DNAAF5: variants seen among roughly 807,000 people sequenced by gnomAD.
The protein encoded by DNAAF5 is HEAT repeat containing 2.
In DNAAF5, 64 loss-of-function variants were observed where a neutral mutation model predicts 75.8. The ratio of observed to expected loss-of-function variants is 0.84; its 90% CI spans 0.69 to 1.04. The LOEUF is 1.04. Among genes scored for constraint, DNAAF5 ranks in the 50% least tolerant of loss-of-function variants. DNAAF5 has a pLI of 0.00. For synonymous variants in DNAAF5, 657 were observed against 557.2 expected (o/e 1.18, Z -2.52); for missense variants, 1,269 against 1,178.5 (o/e 1.08, Z -1.12).
chr7:732,296 C>T (rs1410641913), intron 2 of DNAAF5, among the ~76,000 whole-genome samples: 1 of 152,258 alleles, frequency 6.6e-6, no homozygotes, highest in African/African-American at 2.4e-5. Flanking sequence ...CTGACCACAC[C>T]CAGAACCCCG....
rs764927143 is a variant in DNAAF5 at position 786,373 on chromosome 7, A to C, written c.*720A>C. 6.6e-6 allele frequency: 1 copy of C among 152,250 alleles called. No individual in the cohort carries two copies. Among genetic ancestry groups the C allele is most frequent in the South Asian group, 2.1e-4 (1 of 4,834 alleles). 9.4% of individuals were successfully genotyped at this position (152,250 alleles called of 1,614,324 possible). A position where few individuals can be genotyped will look rare whatever the true frequency, so the allele number is the denominator to read the frequency against. On this transcript the variant is annotated 3_prime_UTR_variant, in exon 13 of 13. Coordinates refer to ENST00000297440, the MANE Select transcript of DNAAF5 (RefSeq NM_017802.4). ...CATTGTAAGTGGGTAGTGTTACCGG[A>C]AGCCATTGTGTTCACACGGGGGAAA...
rs551846032 is a variant in DNAAF5 at position 746,278 on chromosome 7, C to T, written c.1024+4813C>T. Reference sequence around the variant, plus strand: ...CGCTCTCCTTACTGTCTTGCCCCCCCCTGCCCGCTGGGCCCAGGCTCTGTG... The same window carrying T: ...CGCTCTCCTTACTGTCTTGCCCCCCTCTGCCCGCTGGGCCCAGGCTCTGTG... On this transcript the variant is annotated intron_variant, in intron 4 of 12. Coordinates refer to ENST00000297440, the MANE Select transcript of DNAAF5 (RefSeq NM_017802.4). 2.0e-4 allele frequency among the ~76,000 whole-genome samples: 29 copies of T among 142,110 alleles called. 2 individuals are homozygous for T. The highest frequency in any genetic ancestry group is 7.4e-4 in the African/African-American group (28 of 38,026). 93.2% of individuals were successfully genotyped at this position (142,110 alleles called of 152,430 possible). A position where few individuals can be genotyped will look rare whatever the true frequency, so the allele number is the denominator to read the frequency against.
In DNAAF5 at chr7:784,985, G is replaced by A. The variant is rs567216663; in HGVS notation, c.2432-532G>A. Among the ~76,000 whole-genome samples, 21 of 152,024 alleles carry A rather than the reference G, an allele frequency of 1.4e-4. No homozygotes were observed. The South Asian group carries it at 2.3e-3, about 17-fold the overall frequency. On this transcript the variant is annotated intron_variant, in intron 12 of 12. Coordinates refer to ENST00000297440, the MANE Select transcript of DNAAF5 (RefSeq NM_017802.4). ...ATGCAGCATCAGGTCACTTGTCCAC[G>A]TTGTGACTCAGGTCATTCGTATCCA...
intron 1 of DNAAF5, among the ~76,000 whole-genome samples, 168 bp from the exon 2 acceptor site, chr7:729,495 C>T (rs937853487): frequency 3.9e-5 from 6 of 152,236 alleles, no homozygotes; most frequent in African/African-American, 1.4e-4. Flanking sequence ...CGGTACAGAG[C>T]TCTCCTTGGC....
intron 2 of DNAAF5, among the ~76,000 whole-genome samples, chr7:740,513 C>T (rs370007646): frequency 2.6e-5 from 4 of 152,200 alleles, no homozygotes; most frequent in Admixed American, 2.0e-4. Context: ...AGCCTGCTCT[C>T]GCCAACAGGA....
intron 8 of DNAAF5, among the ~76,000 whole-genome samples, chr7:766,084 C>T (rs1024796741): frequency 1.3e-5 from 2 of 152,212 alleles, no homozygotes; most frequent in Non-Finnish European, 2.9e-5. Context: ...CCACCTCACC[C>T]TCCCAAAGTG....
At chr7:770,875 T>G in intron 9 of DNAAF5, 4 of 413,926 alleles carry the variant, frequency 9.7e-6, no homozygotes, top group Admixed American at 3.7e-5. Flanking sequence ...TGGGTGAGGG[T>G]TCCCCACACC....
At chr7:769,523 CG>C (rs1778482065) in intron 8 of DNAAF5, among the ~76,000 whole-genome samples, 1 of 151,916 alleles carries the variant, frequency 6.6e-6, no homozygotes, top group South Asian at 2.1e-4. Flanking sequence ...TGAGTGTGGG[CG>C]GGGTGAGGGC....
chr7:758,639 A>G (rs969746523), intron 6 of DNAAF5, among the ~76,000 whole-genome samples: 2 of 152,166 alleles, frequency 1.3e-5, no homozygotes, highest in African/African-American at 4.8e-5. Flanking sequence ...CACTGGGACT[A>G]CAGGTGTGCA....
chr7:765,191 C>T (rs773913635), intron 8 of DNAAF5, among the ~76,000 whole-genome samples: 7 of 152,180 alleles, frequency 4.6e-5, no homozygotes, highest in East Asian at 3.8e-4. Flanking sequence ...TTATGCCAGA[C>T]GCTGCTCTGC....
chr7:782,209 G>A (rs1288134051), intron 12 of DNAAF5, among the ~76,000 whole-genome samples: 2 of 150,820 alleles, frequency 1.3e-5, no homozygotes, highest in African/African-American at 4.9e-5. Flanking sequence ...GGATCTTCCT[G>A]GCGTGGCCGC....
At chr7:744,767 C>T (rs573468499) in intron 4 of DNAAF5, among the ~76,000 whole-genome samples, 84 of 152,202 alleles carry the variant, frequency 5.5e-4, no homozygotes, top group African/African-American at 1.9e-3. Context: ...GGATCTAGAA[C>T]TAATTTTGTA....
At chr7:782,715 A>G (rs1307760962) in intron 12 of DNAAF5, among the ~76,000 whole-genome samples, 2 of 71,750 alleles carry the variant, frequency 2.8e-5, no homozygotes, top group Non-Finnish European at 5.3e-5. Context: ...CAGAAACTCG[A>G]TCTTCCTGGC....
chr7:781,945 TC>T (rs1724751733), intron 12 of DNAAF5, among the ~76,000 whole-genome samples: 1 of 152,262 alleles, frequency 6.6e-6, no homozygotes, highest in African/African-American at 2.4e-5. Flanking sequence ...CCGCGGGCTG[TC>T]CCTGCGGCTG....
intron 2 of DNAAF5, among the ~76,000 whole-genome samples, chr7:734,181 A>G (rs775363408): frequency 7.2e-5 from 11 of 152,344 alleles, no homozygotes; most frequent in Middle Eastern, 3.4e-3. Context: ...CTTGCTCCAG[A>G]TTTAGAAGAA....
intron 8 of DNAAF5, among the ~76,000 whole-genome samples, chr7:768,002 G>A (rs1054932979): frequency 7.9e-5 from 12 of 151,082 alleles, no homozygotes; most frequent in African/African-American, 2.4e-4. Flanking sequence ...CACGTGGCCC[G>A]GGCGGAAGTG....
Position 766,852 on chromosome 7 carries a change from A to G in DNAAF5, c.1783+2878A>G, listed in dbSNP as rs931934502. On this transcript the variant is annotated intron_variant, in intron 8 of 12. Coordinates refer to ENST00000297440, the MANE Select transcript of DNAAF5 (RefSeq NM_017802.4). The stretch of plus-strand genomic sequence containing the variant: ...TAACTCCCAAACAAACAGGCAAAAT[A>G]TCCACATTTTATAAAAAAGAATTAA... Among the ~76,000 whole-genome samples the G allele has an allele frequency of 2.0e-5, 3 of 152,196 alleles. No homozygotes were observed. In the South Asian group the frequency reaches 6.2e-4, roughly 31 times the overall value.
In DNAAF5 at chr7:753,882, GTC is replaced by G. The variant is rs375366120; in HGVS notation, c.1025-698_1025-697del. 5.2e-3 allele frequency among the ~76,000 whole-genome samples: 729 copies of G among 140,522 alleles called. 17 individuals are homozygous for G. The highest frequency in any genetic ancestry group is 0.019 in the African/African-American group (677 of 36,164). 92.2% of individuals were successfully genotyped at this position (140,522 alleles called of 152,430 possible). On this transcript the variant is annotated intron_variant, in intron 4 of 12. Transcript: ENST00000297440. ...ATCATATGGCGACGGCTTCGCAGGC[GTC>G]TCTCTCTCATCATATGGCGATGGCT...
At position 775,973 on chromosome 7, in the gene DNAAF5, C is replaced by G. The variant is rs1778748327; in HGVS notation, c.2239+811C>G. On this transcript the variant is annotated intron_variant, in intron 11 of 12. Transcript: ENST00000297440. Reference sequence around the variant, plus strand: ...TTGGTATCCTAGAGGAGGAGGATTCCTGGAACCAAACCCCACAGATACCAA... The same window carrying G: ...TTGGTATCCTAGAGGAGGAGGATTCGTGGAACCAAACCCCACAGATACCAA... Among the ~76,000 whole-genome samples, 5 of 152,122 alleles carry G rather than the reference C, an allele frequency of 3.3e-5. No homozygotes were observed. In the South Asian group the frequency reaches 1.0e-3, roughly 32 times the overall value.
Sources: allele counts gnomAD v4.1 joint callset (sites outside exome capture counted in the v4.1 genomes callset), GRCh38; gene constraint gnomAD v4.1.1; transcripts MANE v1.5; gene names NCBI Gene and HGNC (gene_info 2026-07-23, HGNC 2026-07-21).